Variants in HIP1R observed in about 807,000 individuals in gnomAD.
HIP1R encodes the protein huntingtin interacting protein 1 related.
In HIP1R, 135 loss-of-function variants were observed where a neutral mutation model predicts 144.2. The ratio of observed to expected loss-of-function variants is 0.94; its 90% CI spans 0.81 to 1.08. HIP1R has a LOEUF of 1.08. Among genes scored for constraint, HIP1R ranks in the 50% least tolerant of loss-of-function variants. HIP1R has a pLI of 0.00. For missense variants in HIP1R, 1,462 were observed against 1,432.8 expected (o/e 1.02, Z -0.33); for synonymous variants, 698 against 612.8 (o/e 1.14, Z -2.05).
At chr12:122,847,933 G>A in intron 1 of HIP1R, 98 bp from the exon 2 acceptor site, 1 of 1,165,366 alleles carries the variant, frequency 8.6e-7, no homozygotes, top group South Asian at 1.4e-5. Flanking sequence ...CTTGAACCCA[G>A]GCAGAATCCT....
chr12:122,853,169 G>A (rs183018054), intron 7 of HIP1R, among the ~76,000 whole-genome samples: 1 of 152,262 alleles, frequency 6.6e-6, no homozygotes, highest in Admixed American at 6.5e-5. Context: ...GCAGCCTCAT[G>A]TTTGTCCTTT....
At chr12:122,849,802 C>T (rs372319692) in intron 4 of HIP1R, 73 bp from the exon 5 acceptor site, 17 of 1,072,836 alleles carry the variant, frequency 1.6e-5, no homozygotes, top group African/African-American at 4.7e-5. Flanking sequence ...GGGTCACTCT[C>T]GTGCCCAGGT....
rs1451922521 is a variant in HIP1R, at chr12:122,861,865, C to A, written c.*112C>A. The A allele has an allele frequency of 6.2e-6, 6 of 965,684 alleles. No homozygotes were observed. The highest frequency in any genetic ancestry group is 9.5e-6 in the Non-Finnish European group (6 of 634,864). The allele number at this position is 965,684 out of a possible 1,614,324, so 59.8% of individuals were successfully genotyped here. On this transcript the variant is annotated 3_prime_UTR_variant, in exon 32 of 32. Coordinates refer to ENST00000253083, the MANE Select transcript of HIP1R (RefSeq NM_003959.3). ...CCTGGTGCCCAAGCCTCCCGCCCCA[C>A]CGTCTGGATCAATGTCCTCAAGGCC... is the stretch of plus-strand genomic sequence containing the variant.
intron 20 of HIP1R, 98 bp from the exon 21 acceptor site, chr12:122,858,740 T>TTCCTCC: frequency 1.1e-6 from 1 of 880,700 alleles, no homozygotes; most frequent in South Asian, 1.4e-5. Flanking sequence ...TCCTTTCCTC[T>TTCCTCC]TCCTCCTCCT....
At chr12:122,854,224 T>G in intron 8 of HIP1R, 41 bp downstream of exon 8, 1 of 1,584,842 alleles carries the variant, frequency 6.3e-7, no homozygotes. Flanking sequence ...AAGGCTGTGT[T>G]TATATGGCTT....
chr12:122,860,103 C>T (rs377699682), intron 25 of HIP1R, 26 bp downstream of exon 25: 1 of 1,581,616 alleles, frequency 6.3e-7, no homozygotes, highest in Admixed American at 1.8e-5. Context: ...CCGGGGGGGT[C>T]TGCACCTGGA....
At chr12:122,847,045 C>T (rs1220364980) in intron 1 of HIP1R, among the ~76,000 whole-genome samples, 2 of 152,208 alleles carry the variant, frequency 1.3e-5, no homozygotes, top group African/African-American at 4.8e-5. Flanking sequence ...CTGGCTGAGG[C>T]TGGGGGCTGC....
chr12:122,842,292 G>A (rs1206741129), intron 1 of HIP1R, among the ~76,000 whole-genome samples: 1 of 152,216 alleles, frequency 6.6e-6, no homozygotes, highest in African/African-American at 2.4e-5. Context: ...GCACAGGGAG[G>A]CTTACGTCTG....
upstream of HIP1R, chr12:122,835,082 CCCCCTCCCCCTT>C (rs1239123210): frequency 3.0e-6 from 3 of 1,012,744 alleles, no homozygotes; most frequent in Non-Finnish European, 4.0e-6. Flanking sequence ...GGGAGGGGTT[CCCCCTCCCCCTT>C]CCCCTACCCT....
In HIP1R at chr12:122,848,493, A is replaced by AG. The variant is rs1566104651; in HGVS notation, c.190dup (p.Ala64GlyfsTer41). ...ATCATTCTGGGCACACACCACGAGA[A>AG]GGGGGCTTTCACCTTCTGGTCCTAC... On this transcript the variant is annotated frameshift_variant, in exon 3 of 32. Coordinates refer to ENST00000253083, the MANE Select transcript of HIP1R (RefSeq NM_003959.3). LOFTEE classifies it high-confidence loss of function. The AG allele has an allele frequency of 6.2e-7, 1 of 1,613,144 alleles. No individual in the cohort carries two copies. Among genetic ancestry groups the AG allele is most frequent in the East Asian group, 2.2e-5 (1 of 44,882 alleles).
At chr12:122,857,245 C>T in intron 18 of HIP1R, 30 bp downstream of exon 18, 3 of 1,535,214 alleles carry the variant, frequency 2.0e-6, no homozygotes, top group East Asian at 2.5e-5. Flanking sequence ...AGCAGCACCA[C>T]TGAGTTCACT....
chr12:122,861,212 C>CCCGTGA lies in HIP1R; in HGVS notation c.2952+21_2952+22insCGTGAC, dbSNP rs1477416413. On this transcript the variant is annotated intron_variant, in intron 30 of 31. Coordinates refer to ENST00000253083, the MANE Select transcript of HIP1R (RefSeq NM_003959.3). Reference sequence around the variant, plus strand: ...ACCCAGGTAGGCGCCCATGGCTGCCCCGTGACCTCTGAGCTCATCCCTCGG... The same window carrying CCCGTGA: ...ACCCAGGTAGGCGCCCATGGCTGCCCCCGTGACGTGACCTCTGAGCTCATCCCTCGG... 6.2e-7 allele frequency: 1 copy of CCCGTGA among 1,612,672 alleles called. No individual in the cohort carries two copies. The highest frequency in any genetic ancestry group is 8.5e-7 in the Non-Finnish European group (1 of 1,179,836).
intron 4 of HIP1R, among the ~76,000 whole-genome samples, chr12:122,849,224 A>G (rs998143410): frequency 2.6e-5 from 4 of 152,248 alleles, no homozygotes; most frequent in Admixed American, 6.5e-5. Flanking sequence ...CATTTTGAGC[A>G]CACACACAGT....
At chr12:122,855,935 C>CCCTCACGGCCCAGGCAGGG (rs2033557836) in intron 13 of HIP1R, 32 bp downstream of exon 13, 1 of 1,566,790 alleles carries the variant, frequency 6.4e-7, no homozygotes, top group Non-Finnish European at 8.7e-7. Flanking sequence ...GGGCCAGGGC[C>CCCTCACGGCCCAGGCAGGG]CCTCACGGCC....
chr12:122,838,186 G>A (rs978194387), intron 1 of HIP1R, among the ~76,000 whole-genome samples: 1 of 152,164 alleles, frequency 6.6e-6, no homozygotes, highest in Non-Finnish European at 1.5e-5. Flanking sequence ...GCGCTCAGGA[G>A]TGTGAAGAGA....
At chr12:122,835,842 C>A (rs867540342) in intron 1 of HIP1R, among the ~76,000 whole-genome samples, 199 bp downstream of exon 1, 4 of 149,482 alleles carry the variant, frequency 2.7e-5, no homozygotes, top group African/African-American at 9.7e-5. Context: ...CGGCCCGAGC[C>A]GACCGGCGCG....
At chr12:122,858,695 T>C in intron 20 of HIP1R, 143 bp from the exon 21 acceptor site, 1 of 701,216 alleles carries the variant, frequency 1.4e-6, no homozygotes, top group Non-Finnish European at 2.5e-6. Flanking sequence ...GTGGTGTGGT[T>C]CCCACTGCCT....
At chr12:122,837,609 T>C (rs2032944310) in intron 1 of HIP1R, among the ~76,000 whole-genome samples, 1 of 152,200 alleles carries the variant, frequency 6.6e-6, no homozygotes, top group Non-Finnish European at 1.5e-5. Context: ...CAGGCACCTC[T>C]CCGAAGGTGG....
rs144489096 is a variant in HIP1R at position 122,851,648 on chromosome 12, C to T, written c.577+351C>T. Reference sequence around the variant, plus strand: ...CTGGGCGGCGGAGATCATGCCGCTACACTCCAGCCTGGGCAACAGAGTGAG... The same window carrying T: ...CTGGGCGGCGGAGATCATGCCGCTATACTCCAGCCTGGGCAACAGAGTGAG... On this transcript the variant is annotated intron_variant, in intron 7 of 31. Coordinates refer to ENST00000253083, the MANE Select transcript of HIP1R (RefSeq NM_003959.3). Among the ~76,000 whole-genome samples, 155 of 151,666 alleles carry T rather than the reference C, an allele frequency of 1.0e-3. 1 individual carries two copies. In the East Asian group the frequency reaches 0.01, roughly 10 times the overall value.
Sources: gnomAD v4.1 joint callset for allele counts (sites outside exome capture counted in the v4.1 genomes callset) on GRCh38, gnomAD v4.1.1 for gene constraint, MANE v1.5 for transcripts, NCBI Gene and HGNC (gene_info 2026-07-23, HGNC 2026-07-21) for gene names.